SPAG9: variants seen among roughly 807,000 people sequenced by gnomAD.
SPAG9 encodes the protein C-Jun-amino-terminal kinase-interacting protein 4.
A neutral mutation model predicts 166.5 loss-of-function variants in SPAG9; 35 were observed. That is an observed-to-expected ratio of 0.21 (90% CI 0.16 to 0.28). The LOEUF (loss-of-function observed/expected upper bound fraction) is 0.28, where lower values mean the gene tolerates loss of function less well. Among genes scored for constraint, SPAG9 ranks in the 10% least tolerant of loss-of-function variants. SPAG9 has a pLI of 1.00. For missense variants in SPAG9, 1,235 were observed against 1,603.3 expected (o/e 0.77, Z 3.92); for synonymous variants, 534 against 565.5 (o/e 0.94, Z 0.79).
intron 1 of SPAG9, among the ~76,000 whole-genome samples, chr17:51,108,671 A>G (rs1284040540): frequency 6.6e-6 from 1 of 151,764 alleles, no homozygotes; most frequent in Non-Finnish European, 1.5e-5. Context: ...TAATTTTTCT[A>G]TTTTTTGTAA....
rs1024138842 is a variant in SPAG9, at chr17:51,031,973, T to C, written c.742-251A>G. 4.4e-5 allele frequency: 27 copies of C among 611,196 alleles called. No homozygotes were observed. The Admixed American group carries it at 5.3e-4, about 12-fold the overall frequency. 37.9% of individuals were successfully genotyped at this position (611,196 alleles called of 1,614,324 possible). ...TTATACTTATCAACATGCAGCTCAT[T>C]GTTTAACCTTTTTTTTCTACTTACA... On this transcript the variant is annotated intron_variant, in intron 5 of 29. Coordinates refer to ENST00000262013, the MANE Select transcript of SPAG9 (RefSeq NM_001130528.3).
At position 50,966,199 on chromosome 17, in the gene SPAG9, A is replaced by T; in HGVS notation, c.*73T>A. Reference sequence around the variant, plus strand: ...GAAACTTATCTCACAAAAGAGCATTAAATAAAAGGATAGAGGGAAAATAAA... The same window carrying T: ...GAAACTTATCTCACAAAAGAGCATTTAATAAAAGGATAGAGGGAAAATAAA... On this transcript the variant is annotated 3_prime_UTR_variant, in exon 30 of 30. Transcript: ENST00000262013. 1.1e-6 allele frequency: 1 copy of T among 920,212 alleles called. No individual in the cohort carries two copies. The highest frequency in any genetic ancestry group is 1.8e-6 in the Non-Finnish European group (1 of 552,332). 57.0% of individuals were successfully genotyped at this position (920,212 alleles called of 1,614,324 possible).
intron 2 of SPAG9, among the ~76,000 whole-genome samples, chr17:51,077,021 T>TCTAGCTAGCTATCTAGCTATCTAGCTAG (rs1249662126): frequency 1.8e-4 from 14 of 76,138 alleles, no homozygotes; most frequent in East Asian, 1.1e-3. Flanking sequence ...TAGCTAGCTA[T>TCTAGCTAGCTATCTAGCTATCTAGCTAG]CTAGCTATCT....
intron 6 of SPAG9, among the ~76,000 whole-genome samples, chr17:51,030,299 T>C (rs771360518): frequency 3.3e-5 from 5 of 152,060 alleles, no homozygotes; most frequent in Non-Finnish European, 7.4e-5. Flanking sequence ...CAATGTAGTG[T>C]TTTCCTGAGT....
At chr17:51,007,127 G>A in intron 10 of SPAG9, 142 bp downstream of exon 10, 1 of 518,808 alleles carries the variant, frequency 1.9e-6, no homozygotes, top group South Asian at 2.8e-5. Flanking sequence ...GTGTGTGTGT[G>A]TGTGTGTGTG....
chr17:51,068,948 T>C lies in SPAG9; in HGVS notation c.424+10636A>G, dbSNP rs555670105. On this transcript the variant is annotated intron_variant, in intron 2 of 29. Coordinates refer to ENST00000262013, the MANE Select transcript of SPAG9 (RefSeq NM_001130528.3). ...GTATTACCTAATGAAGCAGAAGTAA[T>C]GTTAGTGTTTGCAAAAACTATCTTG... Among the ~76,000 whole-genome samples the C allele has an allele frequency of 5.3e-5, 8 of 152,246 alleles. 1 individual carries two copies. In the East Asian group the frequency reaches 1.5e-3, roughly 29 times the overall value.
intron 1 of SPAG9, among the ~76,000 whole-genome samples, chr17:51,107,270 C>T (rs1419840063): frequency 1.3e-5 from 2 of 151,964 alleles, no homozygotes; most frequent in Non-Finnish European, 2.9e-5. Context: ...GCAGGAAGGC[C>T]GGATGCAGTG....
chr17:51,072,680 T>C (rs772118099), intron 2 of SPAG9, among the ~76,000 whole-genome samples: 1 of 151,916 alleles, frequency 6.6e-6, no homozygotes, highest in Non-Finnish European at 1.5e-5. Flanking sequence ...CGAGACTCTG[T>C]CTCAAAAAAT....
chr17:51,093,608 T>C lies in SPAG9; in HGVS notation c.304-13904A>G, dbSNP rs185039599. ...TACTCGGGAGGCTGAGGCAGGAGAA[T>C]GGCGTGAACCCAGGAGATGGAGCTC... On this transcript the variant is annotated intron_variant, in intron 1 of 29. Transcript: ENST00000262013. Among the ~76,000 whole-genome samples, 195 of 137,122 alleles carry C rather than the reference T, an allele frequency of 1.4e-3. 1 individual carries two copies. The highest frequency in any genetic ancestry group is 5.2e-3 in the African/African-American group (185 of 35,734). 90.0% of individuals were successfully genotyped at this position (137,122 alleles called of 152,430 possible).
intron 4 of SPAG9, chr17:51,046,738 A>C (rs1052904945): frequency 1.3e-6 from 2 of 1,535,536 alleles, no homozygotes; most frequent in Admixed American, 2.0e-5. Context: ...TGTAGTGAGG[A>C]TCTGTCATTC....
At chr17:51,033,474 T>C (rs1036322990) in intron 5 of SPAG9, among the ~76,000 whole-genome samples, 1 of 152,202 alleles carries the variant, frequency 6.6e-6, no homozygotes. Context: ...AAACTTCCCA[T>C]TCCTACTCCA....
chr17:51,081,742 CA>C lies in SPAG9; in HGVS notation c.304-2039del, dbSNP rs923486935. On this transcript the variant is annotated intron_variant, in intron 1 of 29. Coordinates refer to ENST00000262013, the MANE Select transcript of SPAG9 (RefSeq NM_001130528.3). ...GAGCAACAAGAGCAAACCTCTGTCT[CA>C]AAAAAAAAAAAAGTAAAAACAATTT... is the stretch of plus-strand genomic sequence containing the variant. 3.5e-3 allele frequency among the ~76,000 whole-genome samples: 474 copies of C among 134,174 alleles called. 1 individual carries two copies. The highest frequency in any genetic ancestry group is 4.6e-3 in the Non-Finnish European group (287 of 61,810). 88.0% of individuals were successfully genotyped at this position (134,174 alleles called of 152,430 possible). A position where few individuals can be genotyped will look rare whatever the true frequency, so the allele number is the denominator to read the frequency against.
chr17:51,012,047 C>T (rs1395959135), intron 9 of SPAG9, among the ~76,000 whole-genome samples: 2 of 152,114 alleles, frequency 1.3e-5, no homozygotes, highest in Non-Finnish European at 2.9e-5. Context: ...CTTGTTAATA[C>T]AAACAGCATA....
chr17:51,068,449 T>G (rs993872125), intron 2 of SPAG9, among the ~76,000 whole-genome samples: 1 of 152,182 alleles, frequency 6.6e-6, no homozygotes. Context: ...CGGTAGAAAC[T>G]TCTAGTGATC....
chr17:51,079,813 T>A (rs1568068455), intron 1 of SPAG9, 109 bp from the exon 2 acceptor site: 11 of 705,590 alleles, frequency 1.6e-5, no homozygotes, highest in Non-Finnish European at 2.5e-5. Flanking sequence ...ACTACTTAGA[T>A]CTCAGAATTA....
At position 51,055,671 on chromosome 17, in the gene SPAG9, AGAGAG is replaced by A. The variant is rs532958708; in HGVS notation, c.495+736_495+740del. On this transcript the variant is annotated intron_variant, in intron 3 of 29. Coordinates refer to ENST00000262013, the MANE Select transcript of SPAG9 (RefSeq NM_001130528.3). ...AAATATAGGACTAGCAAGGGGAAAGAGAGAGGAATTATTTTTTTCATGTAACAAAT... is the reference window on the plus strand; with the variant it reads ...AAATATAGGACTAGCAAGGGGAAAGAGAATTATTTTTTTCATGTAACAAAT... 1.5e-4 allele frequency among the ~76,000 whole-genome samples: 23 copies of A among 152,278 alleles called. 1 individual carries two copies. The South Asian group carries it at 4.6e-3, about 30-fold the overall frequency.
At chr17:51,000,406 A>G (rs2044881845) in intron 13 of SPAG9, among the ~76,000 whole-genome samples, 1 of 152,166 alleles carries the variant, frequency 6.6e-6, no homozygotes, top group Admixed American at 6.5e-5. Context: ...TTTGTTGACT[A>G]CCACTTGGCT....
At chr17:51,055,472 C>T (rs1489672850) in intron 3 of SPAG9, among the ~76,000 whole-genome samples, 2 of 151,904 alleles carry the variant, frequency 1.3e-5, no homozygotes, top group African/African-American at 4.8e-5. Flanking sequence ...GGATATTCTC[C>T]AAAACATGAT....
At chr17:51,032,501 T>C (rs2046419810) in intron 5 of SPAG9, among the ~76,000 whole-genome samples, 1 of 152,204 alleles carries the variant, frequency 6.6e-6, no homozygotes, top group African/African-American at 2.4e-5. Flanking sequence ...ATTCATATTC[T>C]TTATTTCTAT....
Sources: allele counts gnomAD v4.1 joint callset (sites outside exome capture counted in the v4.1 genomes callset), GRCh38; gene constraint gnomAD v4.1.1; transcripts MANE v1.5; gene names NCBI Gene and HGNC (gene_info 2026-07-23, HGNC 2026-07-21).